The following VIPR2 variants were observed in gnomAD, a reference collection of about 807,000 sequenced individuals.
The protein encoded by VIPR2 is vasoactive intestinal polypeptide receptor 2.
In VIPR2, 48 loss-of-function variants were observed where a neutral mutation model predicts 58.0. The ratio of observed to expected loss-of-function variants is 0.83; its 90% CI spans 0.66 to 1.05. The LOEUF (loss-of-function observed/expected upper bound fraction) is 1.05, where lower values mean the gene tolerates loss of function less well. Ranked by LOEUF, VIPR2 falls within the 50% of genes least tolerant of loss-of-function variation. The pLI, the probability that VIPR2 is intolerant of heterozygous loss-of-function variation, is 0.00. For missense variants in VIPR2, 534 were observed against 558.0 expected, an observed-to-expected ratio of 0.96 and a Z score of 0.43; for synonymous variants, 243 against 235.2, an observed-to-expected ratio of 1.03 and a Z score of -0.30.
rs1853580952 is a variant in VIPR2, at chr7:159,031,493, C to G, written c.1143+335G>C. 2.0e-6 allele frequency: 2 copies of G among 985,350 alleles called. No individual in the cohort carries two copies. The highest frequency in any genetic ancestry group is 2.4e-6 in the Non-Finnish European group (2 of 829,920). 61.0% of individuals were successfully genotyped at this position (985,350 alleles called of 1,614,324 possible). On this transcript the variant is annotated intron_variant, in intron 12 of 12. Transcript: ENST00000262178. This position sits in a 1 kb window ranked among gnomAD's most constrained non-coding sequence, Gnocchi z 4.0. ...CCCAGGCCCGGCTTTCTGGGACTCA[C>G]AAGCTATGGTCAGGAGCGAGACGCC...
At chr7:159,049,749 C>T (rs1854874788) in intron 5 of VIPR2, among the ~76,000 whole-genome samples, 2 of 152,136 alleles carry the variant, frequency 1.3e-5, no homozygotes, top group South Asian at 4.1e-4. Context: ...GTGGCAAGCA[C>T]CAGGATTCAG....
At position 159,096,185 on chromosome 7, in the gene VIPR2, C is replaced by A. The variant is rs1857829224; in HGVS notation, c.357+7572G>T. On this transcript the variant is annotated intron_variant, in intron 4 of 12. Coordinates refer to ENST00000262178, the MANE Select transcript of VIPR2 (RefSeq NM_003382.5). The surrounding 1 kb of genome is among the most constrained non-coding windows in gnomAD (Gnocchi z 5.5). Reference sequence around the variant, plus strand: ...ACAATGCCGGAGGTCCCACCCAAGGCTGCCCAAGCCCAAAGACAGGCCTCC... The same window carrying A: ...ACAATGCCGGAGGTCCCACCCAAGGATGCCCAAGCCCAAAGACAGGCCTCC... 6.6e-6 allele frequency among the ~76,000 whole-genome samples: 1 copy of A among 152,208 alleles called. No individual in the cohort carries two copies. Among genetic ancestry groups the A allele is most frequent in the South Asian group, 2.1e-4 (1 of 4,826 alleles).
chr7:159,100,935 A>T (rs1858175069), intron 4 of VIPR2, among the ~76,000 whole-genome samples: 1 of 148,838 alleles, frequency 6.7e-6, no homozygotes, highest in Non-Finnish European at 1.5e-5. Context: ...AACGGGTCTC[A>T]CGAGATCCGA....
intron 4 of VIPR2, among the ~76,000 whole-genome samples, chr7:159,060,089 C>T (rs1398245566): frequency 2.7e-5 from 4 of 149,812 alleles, no homozygotes; most frequent in Non-Finnish European, 5.9e-5. Flanking sequence ...CTCACCTAAC[C>T]ACTAACCTCA....
chr7:159,038,388 T>C (rs1303763496), intron 6 of VIPR2, among the ~76,000 whole-genome samples: 1 of 152,186 alleles, frequency 6.6e-6, no homozygotes, highest in East Asian at 1.9e-4. Context: ...GGCGAGTGCC[T>C]GCACGCGGAT....
intron 5 of VIPR2, among the ~76,000 whole-genome samples, chr7:159,052,699 C>G (rs1855080045): frequency 6.6e-6 from 1 of 151,974 alleles, no homozygotes; most frequent in Non-Finnish European, 1.5e-5. Flanking sequence ...ATATCAAAAC[C>G]ATGTAGGGTT....
At chr7:159,126,217 A>C (rs1222626506) in intron 2 of VIPR2, among the ~76,000 whole-genome samples, 1 of 152,218 alleles carries the variant, frequency 6.6e-6, no homozygotes, top group Non-Finnish European at 1.5e-5. Context: ...CAATTACAAA[A>C]TATCTTGTTA....
intron 2 of VIPR2, among the ~76,000 whole-genome samples, chr7:159,133,555 A>G (rs1585564725): frequency 6.6e-6 from 1 of 152,406 alleles, no homozygotes; most frequent in East Asian, 1.9e-4. Flanking sequence ...TTATCTGCCA[A>G]GAACACAATT....
chr7:159,088,866 CTGGGGAATGGGAATAG>C, intron 4 of VIPR2, among the ~76,000 whole-genome samples: 1 of 70,370 alleles, frequency 1.4e-5, no homozygotes, highest in Admixed American at 1.6e-4. Flanking sequence ...AGCTCCTCAT[CTGGGGAATGGGAATAG>C]CCTCAGGCCT....
At chr7:159,048,949 C>T (rs1478594056) in intron 5 of VIPR2, among the ~76,000 whole-genome samples, 1 of 152,334 alleles carries the variant, frequency 6.6e-6, no homozygotes, top group African/African-American at 2.4e-5. Flanking sequence ...TTCTCTCCCA[C>T]TCAAAAGATT....
At chr7:159,040,736 T>A (rs189103513) in intron 6 of VIPR2, among the ~76,000 whole-genome samples, 2 of 152,222 alleles carry the variant, frequency 1.3e-5, no homozygotes, top group African/African-American at 4.8e-5. Flanking sequence ...AGGAAAGCTA[T>A]TTTTCCTGTT....
chr7:159,062,510 T>C (rs1412387394), intron 4 of VIPR2, among the ~76,000 whole-genome samples: 1 of 152,086 alleles, frequency 6.6e-6, no homozygotes, highest in Admixed American at 6.5e-5. Context: ...TTACAGCTCT[T>C]AAGGCGGCCC....
chr7:159,060,737 C>T (rs1468299660), intron 4 of VIPR2, among the ~76,000 whole-genome samples: 1 of 151,980 alleles, frequency 6.6e-6, no homozygotes, highest in African/African-American at 2.4e-5. Context: ...ATATTCACTT[C>T]AACTAACCAC....
rs998461649 is a variant in VIPR2 at position 159,123,628 on chromosome 7, G to A, written c.152-13709C>T. Among the ~76,000 whole-genome samples the A allele has an allele frequency of 4.6e-5, 7 of 152,178 alleles. No individual in the cohort carries two copies. The East Asian group carries it at 1.3e-3, about 29-fold the overall frequency. On this transcript the variant is annotated intron_variant, in intron 2 of 12. Transcript: ENST00000262178. ...CTGCAATGAACATTCATGTGCATGTGTCTTTATGGTAGAATGATTTATATT... is the reference window on the plus strand; with the variant it reads ...CTGCAATGAACATTCATGTGCATGTATCTTTATGGTAGAATGATTTATATT...
chr7:159,114,707 G>A (rs1002168744), intron 2 of VIPR2, among the ~76,000 whole-genome samples: 9 of 152,088 alleles, frequency 5.9e-5, no homozygotes, highest in African/African-American at 2.2e-4. Context: ...CCAGGAGGCT[G>A]AGGTAGGAGG....
chr7:159,109,375 C>G (rs931770591), intron 3 of VIPR2, among the ~76,000 whole-genome samples: 9 of 152,182 alleles, frequency 5.9e-5, no homozygotes, highest in African/African-American at 2.2e-4. Context: ...GTTCGATAAA[C>G]TAGGTGTGTC....
chr7:159,103,697 G>T, intron 4 of VIPR2, 60 bp downstream of exon 4: 7 of 1,268,400 alleles, frequency 5.5e-6, no homozygotes, highest in Non-Finnish European at 8.1e-6. Flanking sequence ...GCAGGAGGGG[G>T]CTTCTGGTGC....
chr7:159,033,548 CG>C (rs1466519724), intron 10 of VIPR2, among the ~76,000 whole-genome samples: 1 of 152,174 alleles, frequency 6.6e-6, no homozygotes, highest in African/African-American at 2.4e-5. Flanking sequence ...ATAGATTCCC[CG>C]GATCATCATG....
Position 159,095,135 on chromosome 7 carries a change from C to T in VIPR2, c.357+8622G>A, listed in dbSNP as rs188610494. Among the ~76,000 whole-genome samples the T allele has an allele frequency of 1.4e-3, 211 of 152,300 alleles. No homozygotes were observed. Among genetic ancestry groups the T allele is most frequent in the African/African-American group, 4.7e-3 (197 of 41,556 alleles). The stretch of plus-strand genomic sequence containing the variant: ...GATTAAAGCCGGGGAGCCACCACAA[C>T]CACACACAGCGCACTATCCTGGCCT... On this transcript the variant is annotated intron_variant, in intron 4 of 12. Coordinates refer to ENST00000262178, the MANE Select transcript of VIPR2 (RefSeq NM_003382.5). The surrounding 1 kb of genome is among the most constrained non-coding windows in gnomAD (Gnocchi z 5.2).
Sources: gnomAD v4.1 joint callset for allele counts (sites outside exome capture counted in the v4.1 genomes callset) on GRCh38, gnomAD v4.1.1 for gene constraint, Gnocchi (gnomAD v3.1) non-coding constraint, MANE v1.5 for transcripts, NCBI Gene and HGNC (gene_info 2026-07-23, HGNC 2026-07-21) for gene names.